Variants in ZNF705G observed in about 807,000 individuals in gnomAD.
ZNF705G encodes zinc finger protein 705G.
In ZNF705G, 23 loss-of-function variants were observed where a neutral mutation model predicts 19.6. The observed-to-expected ratio is 1.17, with a 90% CI of 0.84 to 1.66. ZNF705G has a LOEUF of 1.66. Ranked by LOEUF, ZNF705G falls within the 40% of genes most tolerant of loss-of-function variation. The pLI is 0.00. For synonymous variants in ZNF705G, 146 were observed against 117.7 expected (o/e 1.24, Z -1.56); for missense variants, 457 against 354.4 (o/e 1.29, Z -2.32).
At chr8:7,365,483 A>G (rs1206975447) in intron 2 of ZNF705G, among the ~76,000 whole-genome samples, 1 of 147,972 alleles carries the variant, frequency 6.8e-6, no homozygotes, top group Non-Finnish European at 1.5e-5. Context: ...GGTTCAAGCA[A>G]TTCTCCAGCC....
At chr8:7,370,840 A>G (rs1807069901) in intron 2 of ZNF705G, among the ~76,000 whole-genome samples, 1 of 109,010 alleles carries the variant, frequency 9.2e-6, no homozygotes, top group Non-Finnish European at 1.8e-5. Flanking sequence ...CAGACTGGAT[A>G]AAGAAAATGT....
chr8:7,365,132 T>C (rs1327615991), intron 2 of ZNF705G, among the ~76,000 whole-genome samples: 1 of 149,606 alleles, frequency 6.7e-6, no homozygotes, highest in Non-Finnish European at 1.5e-5. Context: ...AGGACTCTTG[T>C]GTGGAATCTA....
At chr8:7,360,963 T>C (rs1806557075) in intron 4 of ZNF705G, 147 bp downstream of exon 4, 2 of 1,435,348 alleles carry the variant, frequency 1.4e-6, no homozygotes, top group Non-Finnish European at 1.9e-6. Flanking sequence ...TTCAGATAGA[T>C]TTAGAGAGTT....
chr8:7,364,031 GA>G lies in ZNF705G; in HGVS notation c.-71-1015del, dbSNP rs1224227036. On this transcript the variant is annotated intron_variant, in intron 2 of 6. Transcript: ENST00000400156. ...AATACAAAATGACTTAGGAGAGGGA[GA>G]AATTTAGCAGCTCAATCTGATATTT... 2.0e-5 allele frequency among the ~76,000 whole-genome samples: 3 copies of G among 149,468 alleles called. 1 individual carries two copies. The highest frequency in any genetic ancestry group is 4.4e-5 in the Non-Finnish European group (3 of 68,006).
chr8:7,385,144 G>A (rs1209146984), intron 1 of ZNF705G, among the ~76,000 whole-genome samples: 2 of 148,174 alleles, frequency 1.3e-5, no homozygotes, highest in Admixed American at 1.3e-4. Flanking sequence ...TGTCTGAATT[G>A]CACTTCCCTA....
Position 7,357,571 on chromosome 8 carries a change from T to A in ZNF705G, c.*405A>T, listed in dbSNP as rs1806331233. ...ATAGCTGTTGCTGAAGACTTTTAGT[T>A]GATTATATTGACAGTTTCAGCTCTC... is the stretch of plus-strand genomic sequence containing the variant. On this transcript the variant is annotated 3_prime_UTR_variant, in exon 7 of 7. Transcript: ENST00000400156. 1 of 267,056 alleles carries A rather than the reference T, an allele frequency of 3.7e-6. No homozygotes were observed. The highest frequency in any genetic ancestry group is 2.4e-5 in the African/African-American group (1 of 40,910). 16.5% of individuals were successfully genotyped at this position (267,056 alleles called of 1,614,324 possible). A position where few individuals can be genotyped will look rare whatever the true frequency, so the allele number is the denominator to read the frequency against.
In ZNF705G at chr8:7,360,977, A is replaced by G. The variant is rs1806557805; in HGVS notation, c.139+133T>C. 2.0e-6 allele frequency: 3 copies of G among 1,532,548 alleles called. 1 individual carries two copies. The African/African-American group carries it at 4.6e-5, about 23-fold the overall frequency. The allele number at this position is 1,532,548 out of a possible 1,614,324, so 94.9% of individuals were successfully genotyped here. On this transcript the variant is annotated intron_variant, in intron 4 of 6. Coordinates refer to ENST00000400156, the MANE Select transcript of ZNF705G (RefSeq NM_001164457.3). ...TTTCAGATAGATTTAGAGAGTTCAA[A>G]CCTTTTTCAGATGAGATCTGTGAGA... is the stretch of plus-strand genomic sequence containing the variant.
At chr8:7,379,451 G>T (rs1423940841) in intron 2 of ZNF705G, among the ~76,000 whole-genome samples, 1 of 147,052 alleles carries the variant, frequency 6.8e-6, no homozygotes, top group Non-Finnish European at 1.5e-5. Context: ...CGGTCTTCAA[G>T]ATGGCTGACT....
At chr8:7,361,579 C>G (rs1806598289) in intron 3 of ZNF705G, among the ~76,000 whole-genome samples, 1 of 149,652 alleles carries the variant, frequency 6.7e-6, no homozygotes. Flanking sequence ...CCATGAATTT[C>G]AAGTAAATTA....
rs935782927 is a variant in ZNF705G at position 7,355,586 on chromosome 8, G to A, written c.*2390C>T. The A allele has an allele frequency of 6.7e-6, 1 of 149,874 alleles. No homozygotes were observed. The highest frequency in any genetic ancestry group is 2.6e-5 in the African/African-American group (1 of 39,200). The allele number at this position is 149,874 out of a possible 1,614,324, so 9.3% of individuals were successfully genotyped here. On this transcript the variant is annotated 3_prime_UTR_variant, in exon 7 of 7. Coordinates refer to ENST00000400156, the MANE Select transcript of ZNF705G (RefSeq NM_001164457.3). ...ATTCAAAAATCAGTATACAAAAGCC[G>A]ATTGATTCCCTCTATGTGGAGGGAA...
At chr8:7,368,654 G>T (rs1313432295) in intron 2 of ZNF705G, among the ~76,000 whole-genome samples, 2 of 149,816 alleles carry the variant, frequency 1.3e-5, no homozygotes, top group Non-Finnish European at 2.9e-5. Context: ...AATGAAGAAA[G>T]GGCCTCAAAG....
At chr8:7,382,772 A>T (rs553857434) in intron 1 of ZNF705G, among the ~76,000 whole-genome samples, 1 of 146,856 alleles carries the variant, frequency 6.8e-6, no homozygotes, top group East Asian at 1.9e-4. Flanking sequence ...ATCATTAAGG[A>T]GAGGTTAAAT....
At chr8:7,365,640 G>A (rs1447741089) in intron 2 of ZNF705G, among the ~76,000 whole-genome samples, 5 of 149,372 alleles carry the variant, frequency 3.3e-5, no homozygotes, top group African/African-American at 1.3e-4. Flanking sequence ...AAAGTATTGG[G>A]ATTACAGGCG....
chr8:7,359,790 A>C, intron 5 of ZNF705G, 89 bp from the exon 6 acceptor site: 3 of 1,580,924 alleles, frequency 1.9e-6, no homozygotes, highest in Non-Finnish European at 2.6e-6. Flanking sequence ...TTTTTTCAAA[A>C]ATTGACACGT....
chr8:7,360,646 A>G (rs1164014398), intron 4 of ZNF705G, among the ~76,000 whole-genome samples: 2 of 149,538 alleles, frequency 1.3e-5, no homozygotes, highest in Non-Finnish European at 2.9e-5. Context: ...ATATCTCTGC[A>G]CAGTGTGTTT....
chr8:7,360,255 G>A lies in ZNF705G; in HGVS notation c.217C>T (p.Leu73Phe), dbSNP rs1310319372. ...KELWREGRVF[L>F]QDQNPNRESA... ...TGCTTACTTGGATTCTGGTCTTGAA[G>A]AAATACTCTTCCTTCCCTCCACAGC... The change falls in exon 5 of 7, where the codon CTT becomes TTT. Residue 73 changes from leucine to phenylalanine, a missense_variant. Coordinates refer to ENST00000400156, the MANE Select transcript of ZNF705G (RefSeq NM_001164457.3). 6.3e-7 allele frequency: 1 copy of A among 1,592,354 alleles called. No homozygotes were observed. The highest frequency in any genetic ancestry group is 8.5e-7 in the Non-Finnish European group (1 of 1,179,188).
In ZNF705G at chr8:7,384,054, G is replaced by A. The variant is rs547954237; in HGVS notation, c.-222+1444C>T. ...AAAGGTAGATTGTTGATGAGATGTA[G>A]ACATCAGAGAAATCAGCCAAGCTCT... is the stretch of plus-strand genomic sequence containing the variant. On this transcript the variant is annotated intron_variant, in intron 1 of 6. Coordinates refer to ENST00000400156, the MANE Select transcript of ZNF705G (RefSeq NM_001164457.3). Among the ~76,000 whole-genome samples the A allele has an allele frequency of 6.1e-4, 82 of 134,580 alleles. 3 individuals are homozygous for A. The highest frequency in any genetic ancestry group is 2.2e-3 in the African/African-American group (66 of 29,346). 88.3% of individuals were successfully genotyped at this position (134,580 alleles called of 152,430 possible).
chr8:7,363,111 C>T (rs1306919315), intron 2 of ZNF705G, 94 bp from the exon 3 acceptor site: 4 of 1,466,488 alleles, frequency 2.7e-6, no homozygotes, highest in East Asian at 4.5e-5. Context: ...TGAAGTGTGA[C>T]ACCAGCTGCA....
rs1806557354 is a variant in ZNF705G, at chr8:7,360,970, A to G, written c.139+140T>C. 1.6e-5 allele frequency: 23 copies of G among 1,477,124 alleles called. 2 individuals carry two copies. The South Asian group carries it at 2.4e-4, about 16-fold the overall frequency. The allele number at this position is 1,477,124 out of a possible 1,614,324, so 91.5% of individuals were successfully genotyped here. A position where few individuals can be genotyped will look rare whatever the true frequency, so the allele number is the denominator to read the frequency against. ...ATATTTATTTCAGATAGATTTAGAG[A>G]GTTCAAACCTTTTTCAGATGAGATC... On this transcript the variant is annotated intron_variant, in intron 4 of 6. Coordinates refer to ENST00000400156, the MANE Select transcript of ZNF705G (RefSeq NM_001164457.3).
Sources: allele counts gnomAD v4.1 joint callset (sites outside exome capture counted in the v4.1 genomes callset), GRCh38; gene constraint gnomAD v4.1.1; transcripts MANE v1.5; gene names NCBI Gene and HGNC (gene_info 2026-07-23, HGNC 2026-07-21).